PDE1A: variants seen among roughly 807,000 people sequenced by gnomAD.
PDE1A encodes dual specificity calcium/calmodulin-dependent 3',5'-cyclic nucleotide phosphodiesterase 1A.
In PDE1A, 35 loss-of-function variants were observed where a neutral mutation model predicts 61.7. The ratio of observed to expected loss-of-function variants is 0.57; its 90% CI spans 0.43 to 0.75. PDE1A has a LOEUF of 0.75. Ranked by LOEUF, PDE1A falls within the 30% of genes least tolerant of loss-of-function variation. The pLI, the probability that PDE1A is intolerant of heterozygous loss-of-function variation, is 0.00. For synonymous variants in PDE1A, 232 were observed against 213.2 expected (o/e 1.09, Z -0.77); for missense variants, 597 against 630.6 (o/e 0.95, Z 0.57).
the PDE1A span, among the ~76,000 whole-genome samples, chr2:182,590,978 A>G: frequency 3.3e-5 from 5 of 152,226 alleles, no homozygotes; most frequent in Admixed American, 6.5e-5. Context: ...CACAGGAACT[A>G]TAACAATGCC....
the PDE1A span, among the ~76,000 whole-genome samples, chr2:182,651,033 T>A: frequency 1.3e-5 from 2 of 152,230 alleles, no homozygotes; most frequent in Non-Finnish European, 2.9e-5. Context: ...CCAGATGGAG[T>A]TTCGCTCTTG....
intron 10 of PDE1A, among the ~76,000 whole-genome samples, chr2:182,189,452 C>A (rs1262037757): frequency 2.0e-5 from 3 of 152,080 alleles, no homozygotes; most frequent in East Asian, 1.9e-4. Context: ...ATCAACAGAC[C>A]TTTACTATCA....
At chr2:182,705,222 G>A in the PDE1A span, among the ~76,000 whole-genome samples, 1 of 152,074 alleles carries the variant, frequency 6.6e-6, no homozygotes, top group Non-Finnish European at 1.5e-5. Flanking sequence ...TTCTTTCCCA[G>A]TATAAATATG....
chr2:182,159,198 C>T (rs1014184971), intron 13 of PDE1A, among the ~76,000 whole-genome samples: 1 of 152,176 alleles, frequency 6.6e-6, no homozygotes, highest in Non-Finnish European at 1.5e-5. Flanking sequence ...TTTAGGTTTA[C>T]AGAACCTTCT....
At chr2:182,431,541 G>A (rs1574643174), upstream of PDE1A, among the ~76,000 whole-genome samples, 1 of 152,094 alleles carries the variant, frequency 6.6e-6, no homozygotes, top group East Asian at 1.9e-4. Context: ...GCATATAAGT[G>A]AGTGACAGTA....
intron 1 of PDE1A, among the ~76,000 whole-genome samples, chr2:182,343,385 A>G (rs937118081): frequency 3.3e-5 from 5 of 152,226 alleles, no homozygotes; most frequent in Non-Finnish European, 5.9e-5. Flanking sequence ...TTCACAGTAC[A>G]TATACATAAT....
the PDE1A span, among the ~76,000 whole-genome samples, chr2:182,551,888 T>C: frequency 3.6e-4 from 55 of 152,270 alleles, 1 homozygote; most frequent in African/African-American, 1.3e-3. Context: ...TTGACTTCAA[T>C]CTGGACCTCT....
intron 1 of PDE1A, among the ~76,000 whole-genome samples, chr2:182,373,369 C>A (rs989483810): frequency 1.3e-5 from 2 of 152,104 alleles, no homozygotes; most frequent in Non-Finnish European, 1.5e-5. Context: ...GGAGAGAGGG[C>A]AGAGAAACCA....
chr2:182,516,831 A>AGGGAGGG (rs1690219831), intron 2 of PDE1A, among the ~76,000 whole-genome samples: 14 of 105,660 alleles, frequency 1.3e-4, no homozygotes, highest in African/African-American at 6.0e-4. Flanking sequence ...GGAAGGAAGG[A>AGGGAGGG]AGGGAGGGAG....
the PDE1A span, among the ~76,000 whole-genome samples, chr2:182,532,922 G>A: frequency 4.4e-5 from 5 of 114,138 alleles, no homozygotes; most frequent in South Asian, 3.1e-4. Flanking sequence ...CTCCAGCCTG[G>A]GGGACACAGC....
intron 7 of PDE1A, among the ~76,000 whole-genome samples, chr2:182,221,867 C>T (rs1032252474): frequency 1.3e-4 from 20 of 151,954 alleles, no homozygotes; most frequent in African/African-American, 2.9e-4. Flanking sequence ...CTCTACCTCT[C>T]GAGGTCTTCA....
At chr2:182,462,481 G>C (rs1686371334) in intron 2 of PDE1A, among the ~76,000 whole-genome samples, 1 of 152,018 alleles carries the variant, frequency 6.6e-6, no homozygotes, top group Non-Finnish European at 1.5e-5. Context: ...ATTGTGGAGA[G>C]GGACAAGTGA....
At chr2:182,262,674 C>T (rs891577988) in intron 2 of PDE1A, among the ~76,000 whole-genome samples, 1 of 152,100 alleles carries the variant, frequency 6.6e-6, no homozygotes, top group African/African-American at 2.4e-5. Flanking sequence ...TCAATATGGC[C>T]TCTTCTGCCA....
At chr2:182,406,065 C>G (rs1460652902) in intron 1 of PDE1A, among the ~76,000 whole-genome samples, 1 of 151,928 alleles carries the variant, frequency 6.6e-6, no homozygotes, top group African/African-American at 2.4e-5. Context: ...TAATAGCTAT[C>G]ATTTATCAAA....
At chr2:182,289,511 C>T (rs1047947920) in intron 1 of PDE1A, among the ~76,000 whole-genome samples, 7 of 152,110 alleles carry the variant, frequency 4.6e-5, no homozygotes, top group Non-Finnish European at 1.0e-4. Flanking sequence ...CTAGACATCA[C>T]TCCCTGTGTT....
At chr2:182,693,537 T>C in the PDE1A span, among the ~76,000 whole-genome samples, 1 of 152,066 alleles carries the variant, frequency 6.6e-6, no homozygotes, top group Non-Finnish European at 1.5e-5. Context: ...ATTATAAGGG[T>C]TTTTAAATAT....
chr2:182,168,805 C>G (rs918556497), intron 13 of PDE1A, among the ~76,000 whole-genome samples: 3 of 152,082 alleles, frequency 2.0e-5, no homozygotes, highest in Admixed American at 2.0e-4. Flanking sequence ...CAGAAAATAT[C>G]TTTCTCTTAT....
At chr2:182,564,427 G>A in the PDE1A span, among the ~76,000 whole-genome samples, 1 of 152,210 alleles carries the variant, frequency 6.6e-6, no homozygotes, top group Non-Finnish European at 1.5e-5. Context: ...GAGATCTGCT[G>A]TTAGTCTGAT....
intron 10 of PDE1A, among the ~76,000 whole-genome samples, chr2:182,193,596 T>G (rs1273273458): frequency 6.6e-6 from 1 of 152,138 alleles, no homozygotes; most frequent in Non-Finnish European, 1.5e-5. Context: ...GGCCCTCTAA[T>G]GACCCTTCTT....
Sources: allele counts gnomAD v4.1 joint callset (sites outside exome capture counted in the v4.1 genomes callset), GRCh38; gene constraint gnomAD v4.1.1; transcripts MANE v1.5; gene names NCBI Gene and HGNC (gene_info 2026-07-23, HGNC 2026-07-21).